TXNDC16: variants seen among roughly 807,000 people sequenced by gnomAD.
TXNDC16 encodes the protein thioredoxin domain-containing protein 16.
A neutral mutation model predicts 85.6 loss-of-function variants in TXNDC16; 74 were observed. That is an observed-to-expected ratio of 0.86 (90% confidence interval 0.72 to 1.05). TXNDC16 has a LOEUF of 1.05. Ranked by LOEUF, TXNDC16 falls within the 50% of genes least tolerant of loss-of-function variation. The probability of loss-of-function intolerance (pLI) is 0.00; values close to 1 mark genes in which losing one functional copy is unlikely to be tolerated. For synonymous variants in TXNDC16, 335 were observed against 326.5 expected (o/e 1.03, Z -0.28); for missense variants, 959 against 947.0 (o/e 1.01, Z -0.17).
chr14:52,462,916 T>C (rs1350482689), intron 16 of TXNDC16: 1 of 455,704 alleles, frequency 2.2e-6, no homozygotes, highest in Non-Finnish European at 4.4e-6. Flanking sequence ...TTATGTTGAA[T>C]CTTGGCTTTG....
chr14:52,488,009 C>G (rs2036308430), intron 12 of TXNDC16, among the ~76,000 whole-genome samples: 1 of 152,040 alleles, frequency 6.6e-6, no homozygotes, highest in Non-Finnish European at 1.5e-5. Context: ...ACTCCATTTC[C>G]TAATAAAAAT....
intron 4 of TXNDC16, among the ~76,000 whole-genome samples, chr14:52,541,227 ACT>A (rs1196879913): frequency 2.1e-5 from 3 of 143,484 alleles, no homozygotes; most frequent in Admixed American, 6.9e-5. Flanking sequence ...CAAGAGCAAA[ACT>A]CTGTCTCAAA....
chr14:52,447,106 G>C (rs1363845936), intron 18 of TXNDC16, among the ~76,000 whole-genome samples: 1 of 151,990 alleles, frequency 6.6e-6, no homozygotes, highest in East Asian at 1.9e-4. Context: ...CGGGTTTTGG[G>C]GGGGCCACAA....
rs539978828 is a variant in TXNDC16, at chr14:52,519,080, C to T, written c.514+92G>A. The stretch of plus-strand genomic sequence containing the variant: ...TGCTTTAGATTTATTTTAAATATTA[C>T]GACTGTAGTCAAAAAAATACACTAT... On this transcript the variant is annotated intron_variant, in intron 7 of 20. Transcript: ENST00000281741. 349 of 1,263,838 alleles carry T rather than the reference C, an allele frequency of 2.8e-4. No individual in the cohort carries two copies. The South Asian group carries it at 3.6e-3, about 13-fold the overall frequency. 78.3% of individuals were successfully genotyped at this position (1,263,838 alleles called of 1,614,324 possible). A position where few individuals can be genotyped will look rare whatever the true frequency, so the allele number is the denominator to read the frequency against.
intron 18 of TXNDC16, among the ~76,000 whole-genome samples, chr14:52,446,245 A>C (rs2035281204): frequency 6.6e-6 from 1 of 152,196 alleles, no homozygotes; most frequent in Non-Finnish European, 1.5e-5. Flanking sequence ...TGAAGAGAGA[A>C]TCTATGTGTT....
chr14:52,533,126 G>A (rs1203777673), intron 6 of TXNDC16, among the ~76,000 whole-genome samples: 1 of 151,984 alleles, frequency 6.6e-6, no homozygotes, highest in African/African-American at 2.4e-5. Flanking sequence ...ACAACACCTG[G>A]ATGTACAATG....
Position 52,514,901 on chromosome 14 carries a change from A to G in TXNDC16, c.584T>C (p.Ile195Thr). 6.2e-7 allele frequency: 1 copy of G among 1,612,282 alleles called. No individual in the cohort carries two copies. Among genetic ancestry groups the G allele is most frequent in the Non-Finnish European group, 8.5e-7 (1 of 1,178,902 alleles). ...ATACCCAATACTTTCCAAAAGGGCA[A>G]TTTCTGTGGTTAAGACAAATTGGTA... ...TTYQFVLTTE[I>T]ALLESIGSED... is the part of the protein sequence containing the mutation. Residue 195 changes from isoleucine (I) to threonine (T), a missense_variant, in exon 8 of 21, where the codon ATT (isoleucine) becomes ACT (threonine). Transcript: ENST00000281741.
chr14:52,513,930 AT>A (rs2037018010), intron 8 of TXNDC16, among the ~76,000 whole-genome samples: 2 of 152,122 alleles, frequency 1.3e-5, no homozygotes, highest in Admixed American at 6.6e-5. Context: ...GGCTTCACCC[AT>A]TCCAGGATGG....
At chr14:52,450,891 A>G (rs2035395035) in intron 18 of TXNDC16, among the ~76,000 whole-genome samples, 1 of 151,054 alleles carries the variant, frequency 6.6e-6, no homozygotes, top group South Asian at 2.1e-4. Context: ...ACACACACAC[A>G]CACATACATA....
intron 9 of TXNDC16, among the ~76,000 whole-genome samples, chr14:52,496,590 G>A (rs1012197367): frequency 4.7e-5 from 7 of 149,088 alleles, no homozygotes; most frequent in Non-Finnish European, 1.0e-4. Context: ...TCCTAATTAT[G>A]ACTTTTTTAT....
intron 6 of TXNDC16, among the ~76,000 whole-genome samples, chr14:52,527,180 C>T (rs1167084293): frequency 6.6e-6 from 1 of 152,198 alleles, no homozygotes; most frequent in Admixed American, 6.5e-5. Flanking sequence ...ATGAGAACCC[C>T]AATTTATAGC....
chr14:52,442,089 T>C (rs1033054712), intron 18 of TXNDC16, among the ~76,000 whole-genome samples: 26 of 152,282 alleles, frequency 1.7e-4, no homozygotes, highest in African/African-American at 6.3e-4. Context: ...TAAAAGAGAA[T>C]AACCATTTTA....
intron 9 of TXNDC16, among the ~76,000 whole-genome samples, chr14:52,492,543 AAC>A (rs2036432179): frequency 2.6e-5 from 4 of 152,154 alleles, no homozygotes; most frequent in Admixed American, 2.0e-4. Context: ...GAGAATCTGC[AAC>A]AGTGTTGCCT....
intron 5 of TXNDC16, among the ~76,000 whole-genome samples, 189 bp from the exon 6 acceptor site, chr14:52,536,982 T>C (rs1037912414): frequency 1.3e-5 from 2 of 151,774 alleles, no homozygotes; most frequent in African/African-American, 4.8e-5. Flanking sequence ...ATATTAACTT[T>C]GAAAAGCCTA....
rs2249922 is a variant in TXNDC16, at chr14:52,439,363, T to G, written c.2035A>C (p.Arg679=). ...GGAGGCAGAGGATCAAAATATGCCC[T>G]CAAGATTCCTCTCCCCACTGGAGTA... ...KNTPVGRGIL[R]AYFDPLPPLP... is the part of the protein sequence containing the mutation. Residue 679 remains arginine (R), a synonymous_variant, in exon 20 of 21, where the codon AGG becomes CGG. Coordinates refer to ENST00000281741, the MANE Select transcript of TXNDC16 (RefSeq NM_020784.3). 0.44 allele frequency: 715,867 copies of G among 1,612,676 alleles called. 164,520 individuals carry two copies. The highest frequency in any genetic ancestry group is 0.71 in the East Asian group (31,950 of 44,832).
chr14:52,550,494 C>T (rs1159605933), intron 1 of TXNDC16, among the ~76,000 whole-genome samples: 3 of 152,098 alleles, frequency 2.0e-5, no homozygotes, highest in African/African-American at 4.8e-5. Context: ...GCACCCTCAC[C>T]GCCCACCTCT....
Position 52,432,415 on chromosome 14 carries a change from T to C in TXNDC16, c.2367A>G (p.Lys789=). ...TTATTCTCAGAGTTTCAATCGGTTCTTTTCTGACTGCCGATTTATCTTCAT... is the reference window on the plus strand; with the variant it reads ...TTATTCTCAGAGTTTCAATCGGTTCCTTTCTGACTGCCGATTTATCTTCAT... ...EQHEDKSAVR[K]EPIETLRIKH... The change falls in exon 21 of 21, where the codon AAA becomes AAG. Residue 789 remains lysine (K), a synonymous_variant. Transcript: ENST00000281741. The C allele has an allele frequency of 1.9e-6, 3 of 1,614,082 alleles. No individual in the cohort carries two copies. Among genetic ancestry groups the C allele is most frequent in the Non-Finnish European group, 2.5e-6 (3 of 1,179,982 alleles).
chr14:52,440,317 G>C (rs367686962), intron 19 of TXNDC16, among the ~76,000 whole-genome samples: 2 of 151,820 alleles, frequency 1.3e-5, no homozygotes, highest in South Asian at 2.1e-4. Context: ...TTTCTCAATG[G>C]GCATCAATTC....
At chr14:52,541,245 A>G (rs1203055027) in intron 4 of TXNDC16, among the ~76,000 whole-genome samples, 1 of 151,852 alleles carries the variant, frequency 6.6e-6, no homozygotes, top group Non-Finnish European at 1.5e-5. Flanking sequence ...TCAAAAAAAA[A>G]AAAATCAGGA....
Sources: allele counts gnomAD v4.1 joint callset (sites outside exome capture counted in the v4.1 genomes callset), GRCh38; gene constraint gnomAD v4.1.1; transcripts MANE v1.5; gene names NCBI Gene and HGNC (gene_info 2026-07-23, HGNC 2026-07-21).